Variants in NPIPB11 observed in about 807,000 individuals in gnomAD.
The protein encoded by NPIPB11 is nuclear pore complex-interacting protein family member B11.
Under a neutral mutation model 32.8 loss-of-function variants are expected in NPIPB11, and 17 were observed. The observed-to-expected ratio is 0.52, with a 90% CI of 0.35 to 0.78. The LOEUF (loss-of-function observed/expected upper bound fraction) is 0.78, where lower values mean the gene tolerates loss of function less well. NPIPB11 is among the 30% of genes least tolerant of loss of function. The pLI is 0.01. For missense variants in NPIPB11, 537 were observed against 1,000.4 expected (o/e 0.54, Z 6.25); for synonymous variants, 209 against 398.4 (o/e 0.52, Z 5.66).
intron 2 of NPIPB11, 99 bp from the exon 3 acceptor site, chr16:29,394,175 G>T: frequency 1.5e-6 from 2 of 1,300,724 alleles, no homozygotes; most frequent in Non-Finnish European, 2.1e-6. Flanking sequence ...TCCTCCAAAA[G>T]GTAACCACAT....
At chr16:29,389,262 G>A (rs1284086050) in intron 5 of NPIPB11, among the ~76,000 whole-genome samples, 9 of 150,424 alleles carry the variant, frequency 6.0e-5, no homozygotes, top group Admixed American at 1.3e-4. Context: ...CTACTCGGGA[G>A]GCTGAGGCAG....
rs1963523565 is a variant in NPIPB11 at position 29,382,954 on chromosome 16, G to A, written c.1978C>T (p.Gln660Ter). The A allele has an allele frequency of 1.4e-6, 1 of 695,788 alleles. No individual in the cohort carries two copies. Among genetic ancestry groups the A allele is most frequent in the African/African-American group, 2.2e-5 (1 of 45,156 alleles). 43.1% of individuals were successfully genotyped at this position (695,788 alleles called of 1,614,324 possible). The change falls in exon 8 of 8, where the codon CAG (glutamine) becomes TAG (stop). Residue 660 changes from glutamine to a stop codon, truncating the protein, a stop_gained. Transcript: ENST00000524087. LOFTEE classifies it low-confidence loss of function (END_TRUNC). The stretch of plus-strand genomic sequence containing the variant: ...GGCAGGTGTCTTGATATTATCATCT[G>A]CTGAGGGTGGAGCTGAGGGTGGAAG...
chr16:29,389,897 G>T, intron 5 of NPIPB11, 44 bp downstream of exon 5: 1 of 1,570,196 alleles, frequency 6.4e-7, no homozygotes, highest in South Asian at 1.1e-5. Flanking sequence ...ACTTTGATTG[G>T]CACATGGTTC....
exon 3 of NPIPB11, chr16:29,393,986 A>G (rs774309790): frequency 6.3e-7 from 1 of 1,599,506 alleles, no homozygotes; most frequent in South Asian, 1.1e-5. Flanking sequence ...ACAACTTTAT[A>G]ACTTGTCGGA....
intron 2 of NPIPB11, among the ~76,000 whole-genome samples, chr16:29,402,087 C>A (rs1025777459): frequency 6.6e-6 from 1 of 150,984 alleles, no homozygotes; most frequent in East Asian, 2.0e-4. Flanking sequence ...TCAGGCTTAA[C>A]TTTCAGTCTC....
At chr16:29,405,571 T>C (rs1964096394), upstream of NPIPB11, among the ~76,000 whole-genome samples, 1 of 152,296 alleles carries the variant, frequency 6.6e-6, no homozygotes, top group South Asian at 2.1e-4. Context: ...CTTTAAAAAC[T>C]GAGTCTCGGA....
chr16:29,395,964 C>A (rs1195118244), intron 2 of NPIPB11, among the ~76,000 whole-genome samples: 1 of 148,736 alleles, frequency 6.7e-6, no homozygotes. Flanking sequence ...GGTGACAGAG[C>A]GAGACTCTGT....
chr16:29,403,126 G>A lies in NPIPB11; in HGVS notation c.120+557C>T, dbSNP rs1182391438. ...AGAGTCTCGCTCTGTCGCACAGTCTGGAGTGCAATGGCGTGATCTCGGCCC... is the reference window on the plus strand; with the variant it reads ...AGAGTCTCGCTCTGTCGCACAGTCTAGAGTGCAATGGCGTGATCTCGGCCC... On this transcript the variant is annotated intron_variant, in intron 2 of 7. Transcript: ENST00000524087. Among the ~76,000 whole-genome samples, 4 of 144,750 alleles carry A rather than the reference G, an allele frequency of 2.8e-5. No individual in the cohort carries two copies. The East Asian group carries it at 8.0e-4, about 29-fold the overall frequency. The allele number at this position is 144,750 out of a possible 152,430, so 95.0% of individuals were successfully genotyped here.
At chr16:29,394,585 C>G (rs1403962668) in intron 2 of NPIPB11, among the ~76,000 whole-genome samples, 2 of 150,684 alleles carry the variant, frequency 1.3e-5, no homozygotes, top group Non-Finnish European at 3.0e-5. Flanking sequence ...CAGGTCTCTG[C>G]CACCATGCCC....
chr16:29,404,604 C>T (rs529962460), upstream of NPIPB11, among the ~76,000 whole-genome samples: 12 of 147,022 alleles, frequency 8.2e-5, no homozygotes, highest in South Asian at 1.1e-3. Flanking sequence ...TACACATGAT[C>T]GCCAGCTATG....
At chr16:29,405,895 GATTCA>G (rs1488888798), upstream of NPIPB11, among the ~76,000 whole-genome samples, 1 of 152,210 alleles carries the variant, frequency 6.6e-6, no homozygotes, top group African/African-American at 2.4e-5. Flanking sequence ...TTCCTGTGTC[GATTCA>G]ATTCAAGTAC....
exon 3 of NPIPB11, chr16:29,394,021 G>T (rs1422550607): frequency 6.3e-6 from 10 of 1,599,266 alleles, no homozygotes; most frequent in East Asian, 4.5e-5. Flanking sequence ...ATGTAACCAA[G>T]GACTTCCACC....
intron 2 of NPIPB11, among the ~76,000 whole-genome samples, chr16:29,401,091 G>A (rs1439799713): frequency 3.9e-5 from 6 of 152,118 alleles, no homozygotes; most frequent in African/African-American, 9.7e-5. Context: ...GATGTTTTGG[G>A]AGAGTGTTTA....
intron 5 of NPIPB11, among the ~76,000 whole-genome samples, chr16:29,389,678 A>G (rs1963663076): frequency 1.3e-5 from 1 of 76,434 alleles, no homozygotes; most frequent in Admixed American, 1.2e-4. Context: ...GAAAAAAAAA[A>G]AAAAAAAAAA....
At chr16:29,382,273 C>A (rs1298525280) in exon 8 of NPIPB11, 1 of 1,603,822 alleles carries the variant, frequency 6.2e-7, no homozygotes, top group South Asian at 1.1e-5. Context: ...GGAAGCGGAA[C>A]CCACAGACGC....
At chr16:29,389,668 G>GA (rs1160526743) in intron 5 of NPIPB11, among the ~76,000 whole-genome samples, 759 of 17,280 alleles carry the variant, frequency 0.044, 113 homozygotes, top group East Asian at 0.2. Flanking sequence ...TCCATCTCAG[G>GA]AAAAAAAAAA....
intron 2 of NPIPB11, among the ~76,000 whole-genome samples, chr16:29,402,704 C>CTG (rs1964020907): frequency 4.4e-5 from 5 of 114,180 alleles, no homozygotes; most frequent in African/African-American, 2.0e-4. Context: ...CTCTGTCTCT[C>CTG]TCTCTCTCTC....
chr16:29,393,468 C>A (rs1378067700), intron 3 of NPIPB11, among the ~76,000 whole-genome samples: 3 of 152,128 alleles, frequency 2.0e-5, no homozygotes, highest in Admixed American at 6.6e-5. Flanking sequence ...GCATCAACCA[C>A]CCGGCAGTTC....
At chr16:29,397,184 G>T (rs969969341) in intron 2 of NPIPB11, among the ~76,000 whole-genome samples, 13 of 141,884 alleles carry the variant, frequency 9.2e-5, no homozygotes, top group Non-Finnish European at 2.0e-4. Flanking sequence ...AAAAAAAAAA[G>T]TCATCAAACC....
Sources: allele counts gnomAD v4.1 joint callset (sites outside exome capture counted in the v4.1 genomes callset), GRCh38; gene constraint gnomAD v4.1.1; transcripts MANE v1.5; gene names NCBI Gene and HGNC (gene_info 2026-07-23, HGNC 2026-07-21).